Variants in DIP2B observed in about 807,000 individuals in gnomAD.
DIP2B encodes the protein DIP2 acetate--CoA ligase B (putative), also known as disco-interacting protein 2 homolog B.
Under a neutral mutation model 198.0 loss-of-function variants are expected in DIP2B, and 76 were observed. The ratio of observed to expected loss-of-function variants is 0.38; its 90% CI spans 0.32 to 0.46. The LOEUF (loss-of-function observed/expected upper bound fraction) is 0.46, where lower values mean the gene tolerates loss of function less well. DIP2B is among the 20% of genes least tolerant of loss of function. DIP2B has a pLI of 0.99. For missense variants in DIP2B, 1,559 were observed against 1,978.4 expected, an observed-to-expected ratio of 0.79 and a Z score of 4.02; for synonymous variants, 701 against 739.1, an observed-to-expected ratio of 0.95 and a Z score of 0.84.
chr12:50,647,821 A>G (rs762004137), intron 3 of DIP2B, among the ~76,000 whole-genome samples: 4 of 152,158 alleles, frequency 2.6e-5, no homozygotes, highest in Non-Finnish European at 5.9e-5. Context: ...TAAGCCAAGA[A>G]TAGGAGCAGC....
intron 1 of DIP2B, among the ~76,000 whole-genome samples, chr12:50,615,547 G>A (rs926920429): frequency 3.9e-5 from 6 of 151,902 alleles, no homozygotes; most frequent in African/African-American, 9.7e-5. Context: ...TACTTGATGC[G>A]TTGTATCTTA....
intron 1 of DIP2B, among the ~76,000 whole-genome samples, chr12:50,543,936 A>AG (rs1958351418): frequency 6.7e-6 from 1 of 148,928 alleles, no homozygotes; most frequent in Non-Finnish European, 1.5e-5. Flanking sequence ...AAAAAAAAAA[A>AG]AAAAAAAAGG....
chr12:50,718,583 C>A, intron 23 of DIP2B, 126 bp from the exon 24 acceptor site: 1 of 817,924 alleles, frequency 1.2e-6, no homozygotes, highest in Non-Finnish European at 2.0e-6. Context: ...TTCCCAGTGC[C>A]TAGAAGAGTG....
At chr12:50,603,757 T>A (rs1033627797) in intron 1 of DIP2B, among the ~76,000 whole-genome samples, 4 of 152,132 alleles carry the variant, frequency 2.6e-5, no homozygotes, top group Non-Finnish European at 4.4e-5. Context: ...TTTGTGATAT[T>A]TAGTGCAGAG....
At chr12:50,716,892 G>A (rs543308536) in intron 23 of DIP2B, among the ~76,000 whole-genome samples, 3 of 147,592 alleles carry the variant, frequency 2.0e-5, no homozygotes, top group African/African-American at 7.4e-5. Flanking sequence ...CGAACCTATG[G>A]AAAAGTTAGA....
At chr12:50,595,072 A>G (rs900210180) in intron 1 of DIP2B, among the ~76,000 whole-genome samples, 1 of 152,250 alleles carries the variant, frequency 6.6e-6, no homozygotes, top group African/African-American at 2.4e-5. Flanking sequence ...AATGATTTTC[A>G]TACTACTGTT....
chr12:50,667,660 A>T (rs1438058368), intron 4 of DIP2B, among the ~76,000 whole-genome samples: 2 of 152,214 alleles, frequency 1.3e-5, no homozygotes, highest in African/African-American at 4.8e-5. Flanking sequence ...CTCAGGTGGC[A>T]TCATTTGGCA....
At chr12:50,736,830 C>T (rs766387518) in intron 34 of DIP2B, among the ~76,000 whole-genome samples, 1 of 152,184 alleles carries the variant, frequency 6.6e-6, no homozygotes, top group African/African-American at 2.4e-5. Context: ...TTAGACCTTT[C>T]GTCTTCAATG....
chr12:50,742,909 A>G (rs918735100), intron 37 of DIP2B, among the ~76,000 whole-genome samples: 2 of 151,812 alleles, frequency 1.3e-5, no homozygotes, highest in African/African-American at 4.8e-5. Context: ...AAAAAAAAAG[A>G]TGCTCTTGTT....
chr12:50,579,630 A>G (rs71466981), intron 1 of DIP2B, among the ~76,000 whole-genome samples: 1 of 40,900 alleles, frequency 2.4e-5, no homozygotes, highest in African/African-American at 1.2e-4. Flanking sequence ...AAAAAAAAAA[A>G]AAAAAAAAAA....
Position 50,668,290 on chromosome 12 carries a change from C to T in DIP2B, c.428-2896C>T, listed in dbSNP as rs528125248. On this transcript the variant is annotated intron_variant, in intron 4 of 37. Coordinates refer to ENST00000301180, the MANE Select transcript of DIP2B (RefSeq NM_173602.3). ...CCCAACTTTTTATTCCTACCAACTA[C>T]TGTAGTGCTTAGTGTGTTTGTCAAA... Among the ~76,000 whole-genome samples the T allele has an allele frequency of 8.4e-4, 128 of 152,328 alleles. 1 individual carries two copies. Among genetic ancestry groups the T allele is most frequent in the Non-Finnish European group, 1.1e-3 (76 of 68,044 alleles).
intron 1 of DIP2B, among the ~76,000 whole-genome samples, chr12:50,554,628 C>T (rs958145369): frequency 2.6e-5 from 4 of 152,050 alleles, no homozygotes; most frequent in African/African-American, 7.2e-5. Flanking sequence ...ATGGATCAGC[C>T]GTCTCTAGTT....
chr12:50,608,381 G>C (rs1959002366), intron 1 of DIP2B, among the ~76,000 whole-genome samples: 1 of 152,088 alleles, frequency 6.6e-6, no homozygotes, highest in African/African-American at 2.4e-5. Context: ...CAGCATTTTG[G>C]GAGGCTGAGG....
At chr12:50,688,543 C>G (rs1018029906) in intron 12 of DIP2B, among the ~76,000 whole-genome samples, 1 of 151,878 alleles carries the variant, frequency 6.6e-6, no homozygotes, top group Non-Finnish European at 1.5e-5. Flanking sequence ...CCCAGCTACT[C>G]AAGGAGTCTA....
chr12:50,619,007 A>G (rs532009958), intron 1 of DIP2B, among the ~76,000 whole-genome samples: 4 of 152,268 alleles, frequency 2.6e-5, no homozygotes, highest in East Asian at 1.9e-4. Flanking sequence ...TCAGTGCTCA[A>G]AAATGCTTTT....
chr12:50,562,367 A>G (rs575402185), intron 1 of DIP2B, among the ~76,000 whole-genome samples: 2 of 152,216 alleles, frequency 1.3e-5, no homozygotes, highest in African/African-American at 4.8e-5. Flanking sequence ...AAAAGCATAG[A>G]ACAGGGCTTT....
chr12:50,714,470 C>A lies in DIP2B; in HGVS notation c.2725C>A (p.Leu909Ile). 1.9e-6 allele frequency: 3 copies of A among 1,614,186 alleles called. No homozygotes were observed. The change falls in exon 23 of 38, where the codon CTA becomes ATA. Residue 909 changes from leucine (L) to isoleucine (I), a missense_variant. Transcript: ENST00000301180. ...VPANTLPKTP[L>I]GGIHISQTKQ... is the part of the protein sequence containing the mutation. ...AGCCAATACATTGCCAAAAACTCCACTAGGAGGAATCCATATATCTCAGAC... is the reference window on the plus strand; with the variant it reads ...AGCCAATACATTGCCAAAAACTCCAATAGGAGGAATCCATATATCTCAGAC...
At chr12:50,580,058 C>T (rs1958710525) in intron 1 of DIP2B, among the ~76,000 whole-genome samples, 1 of 148,482 alleles carries the variant, frequency 6.7e-6, no homozygotes. Context: ...AAGGGCCAAC[C>T]TTGCTAACTT....
chr12:50,700,902 G>A lies in DIP2B; in HGVS notation c.2325+1700G>A, dbSNP rs573102185. Among the ~76,000 whole-genome samples, 20 of 152,164 alleles carry A rather than the reference G, an allele frequency of 1.3e-4. No individual in the cohort carries two copies. In the South Asian group the frequency reaches 3.5e-3, roughly 27 times the overall value. On this transcript the variant is annotated intron_variant, in intron 19 of 37. Transcript: ENST00000301180. Reference sequence around the variant, plus strand: ...ATTTCTGTCACCCAGGCTGGAATACGGTGGCTCAATCATAGCTCACTGCAG... The same window carrying A: ...ATTTCTGTCACCCAGGCTGGAATACAGTGGCTCAATCATAGCTCACTGCAG...
Sources: allele counts gnomAD v4.1 joint callset (sites outside exome capture counted in the v4.1 genomes callset), GRCh38; gene constraint gnomAD v4.1.1; transcripts MANE v1.5; gene names NCBI Gene and HGNC (gene_info 2026-07-23, HGNC 2026-07-21).